The following LIX1L variants were observed in gnomAD, a reference collection of about 807,000 sequenced individuals.
The protein encoded by LIX1L is LIX1-like protein.
A neutral mutation model predicts 34.0 loss-of-function variants in LIX1L; 20 were observed. The ratio of observed to expected loss-of-function variants is 0.59; its 90% CI spans 0.41 to 0.85. The LOEUF (loss-of-function observed/expected upper bound fraction) is 0.85, where lower values mean the gene tolerates loss of function less well. Ranked by LOEUF, LIX1L falls within the 40% of genes least tolerant of loss-of-function variation. LIX1L has a pLI of 0.00. For synonymous variants in LIX1L, 170 were observed against 187.4 expected (o/e 0.91, Z 0.76); for missense variants, 397 against 447.0 (o/e 0.89, Z 1.01).
chr1:145,951,199 G>A (rs1397501403), intron 1 of LIX1L, among the ~76,000 whole-genome samples: 2 of 152,042 alleles, frequency 1.3e-5, no homozygotes, highest in Non-Finnish European at 1.5e-5. Flanking sequence ...GGCACATGCC[G>A]CCACGCCTGG....
At chr1:145,954,341 C>T (rs1180155439) in intron 1 of LIX1L, among the ~76,000 whole-genome samples, 5 of 152,144 alleles carry the variant, frequency 3.3e-5, no homozygotes, top group Non-Finnish European at 7.3e-5. Context: ...TAATTTGTTA[C>T]AGCAGCCACA....
At chr1:145,944,223 TGTG>T (rs1553758995) in intron 2 of LIX1L, among the ~76,000 whole-genome samples, 1 of 151,870 alleles carries the variant, frequency 6.6e-6, no homozygotes, top group African/African-American at 2.4e-5. Flanking sequence ...TGGGCATGGT[TGTG>T]GTGCACACCT....
In LIX1L at chr1:145,957,705, C is replaced by G; in HGVS notation, c.223G>C (p.Ala75Pro). Residue 75 changes from alanine to proline, a missense_variant, in exon 1 of 6, where the codon GCA becomes CCA. Coordinates refer to ENST00000604000, the MANE Select transcript of LIX1L (RefSeq NM_153713.3). ...PLPPGAAGSP[A>P]VLREAVEAVV... ...GCCTCCACGGCCTCTCGCAGCACTGCCGGGCTGCCGGCGGCGCCGGGGGGC... is the reference window on the plus strand; with the variant it reads ...GCCTCCACGGCCTCTCGCAGCACTGGCGGGCTGCCGGCGGCGCCGGGGGGC... 1 of 1,503,916 alleles carries G rather than the reference C, an allele frequency of 6.6e-7. No individual in the cohort carries two copies. The highest frequency in any genetic ancestry group is 8.8e-7 in the Non-Finnish European group (1 of 1,132,312). The allele number at this position is 1,503,916 out of a possible 1,614,324, so 93.2% of individuals were successfully genotyped here.
chr1:145,934,308 T>G lies in LIX1L; in HGVS notation c.*2002A>C, dbSNP rs368444805. On this transcript the variant is annotated 3_prime_UTR_variant, in exon 6 of 6. Coordinates refer to ENST00000604000, the MANE Select transcript of LIX1L (RefSeq NM_153713.3). ...CACAAATAGTGCCGGGCGCGGTGGC[T>G]CACGCCTGTAATCCCAGCACTTTGG... The G allele has an allele frequency of 2.6e-5, 4 of 152,352 alleles. No individual in the cohort carries two copies. Among genetic ancestry groups the G allele is most frequent in the East Asian group, 3.9e-4 (2 of 5,192 alleles). 9.4% of individuals were successfully genotyped at this position (152,352 alleles called of 1,614,324 possible). A position where few individuals can be genotyped will look rare whatever the true frequency, so the allele number is the denominator to read the frequency against.
chr1:145,936,626 A>T, intron 5 of LIX1L, 74 bp from the exon 6 acceptor site: 1 of 1,562,120 alleles, frequency 6.4e-7, no homozygotes, highest in Non-Finnish European at 8.7e-7. Flanking sequence ...CCCAACTGGG[A>T]CTAAGAACTC....
chr1:145,946,938 CA>C (rs1224713332), intron 2 of LIX1L, among the ~76,000 whole-genome samples: 2 of 152,144 alleles, frequency 1.3e-5, no homozygotes, highest in African/African-American at 4.8e-5. Flanking sequence ...GTAAAAAATC[CA>C]TCTTTGATGA....
chr1:145,939,467 G>A (rs1648801074), intron 3 of LIX1L, among the ~76,000 whole-genome samples: 1 of 151,574 alleles, frequency 6.6e-6, no homozygotes, highest in South Asian at 2.1e-4. Context: ...TACCATGCCT[G>A]GCTAATTTTT....
intron 1 of LIX1L, among the ~76,000 whole-genome samples, chr1:145,950,527 C>T (rs1227777707): frequency 2.0e-5 from 3 of 152,092 alleles, no homozygotes; most frequent in Non-Finnish European, 2.9e-5. Context: ...CCACCACGCC[C>T]GGCTAATTTT....
intron 1 of LIX1L, among the ~76,000 whole-genome samples, chr1:145,951,961 G>T (rs1649312820): frequency 6.6e-6 from 1 of 152,192 alleles, no homozygotes; most frequent in Admixed American, 6.5e-5. Context: ...AGTATGAAAT[G>T]ATAATTGGGC....
Position 145,947,661 on chromosome 1 carries a change from G to A in LIX1L, c.414C>T (p.Cys138=), listed in dbSNP as rs1553759394. ...AGCTTCCCCCAGGCAGGGTGACATAGCAGACATAAGGAGGGCTGTTGGAGG... is the reference window on the plus strand; with the variant it reads ...AGCTTCCCCCAGGCAGGGTGACATAACAGACATAAGGAGGGCTGTTGGAGG... ...MVPSNSPPYV[C]YVTLPGGSCF... Residue 138 remains cysteine (C), a synonymous_variant, in exon 2 of 6, where the codon TGC becomes TGT. Coordinates refer to ENST00000604000, the MANE Select transcript of LIX1L (RefSeq NM_153713.3). 6.2e-7 allele frequency: 1 copy of A among 1,614,104 alleles called. No individual in the cohort carries two copies. The highest frequency in any genetic ancestry group is 1.7e-5 in the Admixed American group (1 of 60,016).
chr1:145,949,394 G>A (rs1230627803), intron 1 of LIX1L, among the ~76,000 whole-genome samples: 1 of 152,168 alleles, frequency 6.6e-6, no homozygotes, highest in Non-Finnish European at 1.5e-5. Flanking sequence ...TGAGAGGACA[G>A]TGTTCTGTGC....
intron 1 of LIX1L, among the ~76,000 whole-genome samples, chr1:145,956,969 C>A (rs1442040518): frequency 2.6e-5 from 4 of 152,142 alleles, no homozygotes; most frequent in African/African-American, 9.7e-5. Context: ...CACAGCCAGA[C>A]AGAAAGGCTG....
chr1:145,949,904 C>T (rs1365983718), intron 1 of LIX1L, among the ~76,000 whole-genome samples: 1 of 151,768 alleles, frequency 6.6e-6, no homozygotes, highest in East Asian at 1.9e-4. Flanking sequence ...GCAACCTCCA[C>T]CTCCCAGGCC....
At position 145,938,649 on chromosome 1, in the gene LIX1L, G is replaced by A. The variant is rs587756368; in HGVS notation, c.598-950C>T. On this transcript the variant is annotated intron_variant, in intron 3 of 5. Transcript: ENST00000604000. ...GTCGCCCAGGATGGAGTGCAGTGGTGCGATCTCGGCTCACTGCAACCTCCG... is the reference window on the plus strand; with the variant it reads ...GTCGCCCAGGATGGAGTGCAGTGGTACGATCTCGGCTCACTGCAACCTCCG... Among the ~76,000 whole-genome samples the A allele has an allele frequency of 1.5e-4, 23 of 151,242 alleles. No individual in the cohort carries two copies. The South Asian group carries it at 1.7e-3, about 11-fold the overall frequency.
Position 145,942,071 on chromosome 1 carries a change from AGAC to A in LIX1L, c.597+639_597+641del, listed in dbSNP as rs1227157080. The A allele has an allele frequency of 5.3e-5, 8 of 151,766 alleles. No individual in the cohort carries two copies. In the East Asian group the frequency reaches 1.5e-3, roughly 29 times the overall value. 9.4% of individuals were successfully genotyped at this position (151,766 alleles called of 1,614,324 possible). ...GCTATTTTTTTTTTATTTTTTGTAG[AGAC>A]GGGGTTTCACCGTGTTAGCCAGGAT... On this transcript the variant is annotated intron_variant, in intron 3 of 5. Transcript: ENST00000604000.
chr1:145,951,301 C>T (rs1006652078), intron 1 of LIX1L, among the ~76,000 whole-genome samples: 1 of 152,202 alleles, frequency 6.6e-6, no homozygotes, highest in Non-Finnish European at 1.5e-5. Flanking sequence ...CCTGCCTCGG[C>T]CTCCCAAACT....
At position 145,937,592 on chromosome 1, in the gene LIX1L, A is replaced by G. The variant is rs782639454; in HGVS notation, c.693+12T>C. ...CATGTTATTAGAACCAGGGAAGTAC[A>G]TGGGAAAGTACCTGGAACTCCAACA... is the stretch of plus-strand genomic sequence containing the variant. On this transcript the variant is annotated intron_variant, in intron 4 of 5. Coordinates refer to ENST00000604000, the MANE Select transcript of LIX1L (RefSeq NM_153713.3). The G allele has an allele frequency of 1.0e-5, 16 of 1,575,134 alleles. No individual in the cohort carries two copies. Among genetic ancestry groups the G allele is most frequent in the Non-Finnish European group, 1.1e-5 (13 of 1,145,300 alleles).
Position 145,947,684 on chromosome 1 carries a change from A to G in LIX1L, c.391T>C (p.Ser131Pro). 1 of 1,614,146 alleles carries G rather than the reference A, an allele frequency of 6.2e-7. No homozygotes were observed. The highest frequency in any genetic ancestry group is 1.1e-5 in the South Asian group (1 of 91,074). Residue 131 changes from serine to proline, a missense_variant, in exon 2 of 6, where the codon TCC becomes CCC. Coordinates refer to ENST00000604000, the MANE Select transcript of LIX1L (RefSeq NM_153713.3). Reference protein sequence around the residue: ...GALVVYEMVPSNSPPYVCYVT... With the variant: ...GALVVYEMVPPNSPPYVCYVT... Reference sequence around the variant, plus strand: ...TAGCAGACATAAGGAGGGCTGTTGGAGGGAACCATCTCATAAACCACTAGA... The same window carrying G: ...TAGCAGACATAAGGAGGGCTGTTGGGGGGAACCATCTCATAAACCACTAGA...
At chr1:145,956,297 C>A (rs587726678) in intron 1 of LIX1L, among the ~76,000 whole-genome samples, 5 of 152,210 alleles carry the variant, frequency 3.3e-5, no homozygotes, top group African/African-American at 1.2e-4. Flanking sequence ...CTCTAAAAAT[C>A]TGTTTTCATA....
Sources: allele counts gnomAD v4.1 joint callset (sites outside exome capture counted in the v4.1 genomes callset), GRCh38; gene constraint gnomAD v4.1.1; transcripts MANE v1.5; gene names NCBI Gene and HGNC (gene_info 2026-07-23, HGNC 2026-07-21).